The following MYO5A variants were observed in gnomAD, a reference collection of about 807,000 sequenced individuals.
MYO5A encodes myosin VA.
A neutral mutation model predicts 249.7 loss-of-function variants in MYO5A; 98 were observed. That is an observed-to-expected ratio of 0.39 (90% CI 0.33 to 0.46). MYO5A has a LOEUF of 0.46. Among genes scored for constraint, MYO5A ranks in the 20% least tolerant of loss-of-function variants. MYO5A has a pLI of 0.98. For missense variants in MYO5A, 1,696 were observed against 2,308.8 expected, an observed-to-expected ratio of 0.73 and a Z score of 5.44; for synonymous variants, 778 against 810.6, an observed-to-expected ratio of 0.96 and a Z score of 0.68.
chr15:52,508,081 C>T (rs1879148979), intron 1 of MYO5A, among the ~76,000 whole-genome samples: 1 of 109,880 alleles, frequency 9.1e-6, no homozygotes, highest in Non-Finnish European at 2.1e-5. Flanking sequence ...GAGATGATGC[C>T]CTTAACCATA....
At chr15:52,490,217 C>T (rs777784728) in intron 1 of MYO5A, among the ~76,000 whole-genome samples, 3 of 152,072 alleles carry the variant, frequency 2.0e-5, no homozygotes, top group African/African-American at 4.8e-5. Context: ...CCTATATAAC[C>T]GAGGAATCCC....
chr15:52,459,006 G>A (rs116210403), intron 1 of MYO5A, among the ~76,000 whole-genome samples: 2,478 of 151,380 alleles, frequency 0.016, 73 homozygotes, highest in African/African-American at 0.057. Flanking sequence ...ATTCTTTTTT[G>A]GGGGGCAGGG....
Position 52,336,488 on chromosome 15 carries a change from A to G in MYO5A, c.4383T>C (p.Phe1461=). ...CTTCTAGTTCGCCAATTTTTTTGGC[A>G]AATACTTTCAGTTGTTTTTTCAGTT... ...VRKLKKQLKV[F]AKKIGELEVG... The change falls in exon 34 of 42, where the codon TTT becomes TTC. Residue 1461 remains phenylalanine (F), a synonymous_variant. Coordinates refer to ENST00000399233, the MANE Select transcript of MYO5A (RefSeq NM_001382347.1). The G allele has an allele frequency of 6.2e-7, 1 of 1,606,724 alleles. No individual in the cohort carries two copies. The highest frequency in any genetic ancestry group is 8.5e-7 in the Non-Finnish European group (1 of 1,175,314).
At chr15:52,333,649 C>A (rs550598407) in intron 34 of MYO5A, among the ~76,000 whole-genome samples, 3 of 152,274 alleles carry the variant, frequency 2.0e-5, no homozygotes, top group Admixed American at 1.3e-4. Context: ...AAACACTCTC[C>A]ATTTAGCTAT....
At chr15:52,386,990 C>A (rs1418392048) in intron 14 of MYO5A, among the ~76,000 whole-genome samples, 1 of 152,172 alleles carries the variant, frequency 6.6e-6, no homozygotes, top group African/African-American at 2.4e-5. Flanking sequence ...TAAAAAGATT[C>A]TCTGAGAATA....
At chr15:52,389,443 TTTA>T in intron 12 of MYO5A, 80 bp from the exon 13 acceptor site, 2 of 1,381,894 alleles carry the variant, frequency 1.4e-6, no homozygotes, top group South Asian at 1.3e-5. Context: ...CAAAAGATCT[TTTA>T]TTTTTTTTTT....
At chr15:52,360,139 A>T in intron 24 of MYO5A, 58 bp from the exon 25 acceptor site, 2 of 1,162,770 alleles carry the variant, frequency 1.7e-6, no homozygotes, top group Non-Finnish European at 2.6e-6. Flanking sequence ...AGGCATAGTT[A>T]AGACAGCATC....
At chr15:52,514,470 C>T (rs147871651) in intron 1 of MYO5A, among the ~76,000 whole-genome samples, 5 of 152,172 alleles carry the variant, frequency 3.3e-5, no homozygotes, top group South Asian at 2.1e-4. Flanking sequence ...CACTGGGGTC[C>T]GGAAGAACTA....
intron 1 of MYO5A, among the ~76,000 whole-genome samples, chr15:52,468,678 A>T (rs1423347175): frequency 6.6e-6 from 1 of 152,236 alleles, no homozygotes; most frequent in Non-Finnish European, 1.5e-5. Context: ...TCTATAAAAC[A>T]TAATAACAAA....
At chr15:52,397,856 G>A (rs2042556814) in intron 9 of MYO5A, among the ~76,000 whole-genome samples, 1 of 152,156 alleles carries the variant, frequency 6.6e-6, no homozygotes, top group Admixed American at 6.5e-5. Context: ...ATAGTCACTT[G>A]GGGAAATGGG....
Position 52,319,246 on chromosome 15 carries a change from G to A in MYO5A, c.5048C>T (p.Thr1683Ile), listed in dbSNP as rs1357062601. Residue 1683 changes from threonine (T) to isoleucine (I), a missense_variant, in exon 39 of 42, where the codon ACC becomes ATC. By Grantham distance (89) the Thr-to-Ile change is moderately conservative. Around this residue, in one of 5 missense-constraint regions of MYO5A, gnomAD observed 625 missense variants for 908.1 expected, o/e 0.69. Coordinates refer to ENST00000399233, the MANE Select transcript of MYO5A (RefSeq NM_001382347.1). ...CCGGAGGATGGAGTCCAGTGTGTAGGTGCCCTCATCGGCGATACTGGAGGT... is the reference window on the plus strand; with the variant it reads ...CCGGAGGATGGAGTCCAGTGTGTAGATGCCCTCATCGGCGATACTGGAGGT... ...KRTSSIADEGTYTLDSILRQL... is the reference protein window; with the variant it reads ...KRTSSIADEGIYTLDSILRQL... 1 of 1,614,160 alleles carries A rather than the reference G, an allele frequency of 6.2e-7. No homozygotes were observed. Among genetic ancestry groups the A allele is most frequent in the South Asian group, 1.1e-5 (1 of 91,082 alleles).
chr15:52,396,061 C>A (rs1043644686), intron 11 of MYO5A, among the ~76,000 whole-genome samples: 1 of 152,184 alleles, frequency 6.6e-6, no homozygotes, highest in Non-Finnish European at 1.5e-5. Flanking sequence ...AATTACCTAA[C>A]ACACTGCCTG....
chr15:52,400,014 T>C (rs989959125), intron 9 of MYO5A, among the ~76,000 whole-genome samples: 3 of 152,218 alleles, frequency 2.0e-5, no homozygotes, highest in African/African-American at 7.2e-5. Context: ...TAGTATTCCA[T>C]GGTTATATCT....
intron 4 of MYO5A, among the ~76,000 whole-genome samples, chr15:52,419,796 C>T (rs909822061): frequency 6.6e-6 from 1 of 152,120 alleles, no homozygotes; most frequent in Admixed American, 6.5e-5. Context: ...TATAAAGATG[C>T]TAGAGCAGAA....
At chr15:52,525,617 T>C (rs1454982822) in intron 1 of MYO5A, among the ~76,000 whole-genome samples, 9 of 152,256 alleles carry the variant, frequency 5.9e-5, no homozygotes, top group Admixed American at 4.6e-4. Context: ...ACCATAATTA[T>C]GGCATATCAC....
At chr15:52,330,674 C>T (rs1440841344) in intron 34 of MYO5A, among the ~76,000 whole-genome samples, 175 bp from the exon 35 acceptor site, 1 of 152,078 alleles carries the variant, frequency 6.6e-6, no homozygotes, top group African/African-American at 2.4e-5. Context: ...GAACAGATGG[C>T]AAAATTATAT....
chr15:52,527,298 C>T (rs2077746025), intron 1 of MYO5A, among the ~76,000 whole-genome samples: 1 of 152,242 alleles, frequency 6.6e-6, no homozygotes, highest in South Asian at 2.1e-4. Flanking sequence ...ACGCTTAAAA[C>T]AGTACCTGGC....
chr15:52,396,419 G>T, intron 10 of MYO5A, 22 bp from the exon 11 acceptor site: 1 of 1,312,978 alleles, frequency 7.6e-7, no homozygotes, highest in South Asian at 1.2e-5. Context: ...AAAATAATAT[G>T]AAAAGGGGAG....
chr15:52,471,907 C>T (rs2076480730), intron 1 of MYO5A, among the ~76,000 whole-genome samples: 1 of 152,096 alleles, frequency 6.6e-6, no homozygotes, highest in East Asian at 1.9e-4. Context: ...CTATGTTGCC[C>T]AGGCTGGTCT....
Sources: allele counts gnomAD v4.1 joint callset (sites outside exome capture counted in the v4.1 genomes callset), GRCh38; gene constraint gnomAD v4.1.1; regional missense constraint gnomAD v4.1.1; transcripts MANE v1.5; gene names NCBI Gene and HGNC (gene_info 2026-07-23, HGNC 2026-07-21).